Variants in CRTC1 observed in about 807,000 individuals in gnomAD.
The protein encoded by CRTC1 is CREB-regulated transcription coactivator 1.
A neutral mutation model predicts 66.1 loss-of-function variants in CRTC1; 18 were observed. The observed-to-expected ratio is 0.27, with a 90% CI of 0.19 to 0.40. CRTC1 has a LOEUF of 0.40. Among genes scored for constraint, CRTC1 ranks in the 10% least tolerant of loss-of-function variants. The probability of loss-of-function intolerance (pLI) is 1.00; values close to 1 mark genes in which losing one functional copy is unlikely to be tolerated. For missense variants in CRTC1, 669 were observed against 887.9 expected (o/e 0.75, Z 3.13); for synonymous variants, 416 against 398.8 (o/e 1.04, Z -0.51).
intron 1 of CRTC1, among the ~76,000 whole-genome samples, chr19:18,706,748 AT>A (rs2053276051): frequency 6.6e-6 from 1 of 152,132 alleles, no homozygotes; most frequent in Non-Finnish European, 1.5e-5. Flanking sequence ...TTCCCTAATG[AT>A]TAGTGCTGTT....
At chr19:18,728,131 A>G (rs2053802050) in intron 1 of CRTC1, among the ~76,000 whole-genome samples, 1 of 152,176 alleles carries the variant, frequency 6.6e-6, no homozygotes, top group Admixed American at 6.5e-5. Flanking sequence ...GACTGATATC[A>G]TGCCCAAGAG....
At chr19:18,733,465 C>T (rs1381765996) in intron 1 of CRTC1, among the ~76,000 whole-genome samples, 1 of 152,186 alleles carries the variant, frequency 6.6e-6, no homozygotes, top group Non-Finnish European at 1.5e-5. Context: ...AAAGGCATTC[C>T]GAGGCAGGCC....
intron 11 of CRTC1, among the ~76,000 whole-genome samples, chr19:18,772,480 G>T (rs527988023): frequency 6.6e-6 from 1 of 152,100 alleles, no homozygotes; most frequent in Non-Finnish European, 1.5e-5. Context: ...TGCTGTGCCC[G>T]GGGCCCTGAA....
intron 5 of CRTC1, among the ~76,000 whole-genome samples, chr19:18,750,863 C>G (rs1365932237): frequency 6.6e-6 from 1 of 152,178 alleles, no homozygotes; most frequent in Non-Finnish European, 1.5e-5. Context: ...AGCACAGTGC[C>G]TGGGGCTTCC....
In CRTC1 at chr19:18,771,397, C is replaced by A; in HGVS notation, c.1321-45C>A. 6.5e-7 allele frequency: 1 copy of A among 1,534,758 alleles called. No individual in the cohort carries two copies. Among genetic ancestry groups the A allele is most frequent in the South Asian group, 1.2e-5 (1 of 83,806 alleles). ...CGGGAAGCAGGGACTGGAGCCCGGG[C>A]TTGGGCAGCTGGGCTGCGGCGTGCT... On this transcript the variant is annotated intron_variant, in intron 10 of 13. Coordinates refer to ENST00000321949, the MANE Select transcript of CRTC1 (RefSeq NM_015321.3). The surrounding 1 kb of genome is among the most constrained non-coding windows in gnomAD (Gnocchi z 4.6).
chr19:18,756,392 A>AGTGCC (rs2054490255), intron 6 of CRTC1, among the ~76,000 whole-genome samples: 1 of 150,978 alleles, frequency 6.6e-6, no homozygotes, highest in South Asian at 2.1e-4. Flanking sequence ...CGTGCCTGTA[A>AGTGCC]TCTCAACACT....
chr19:18,701,368 A>G (rs2053135423), intron 1 of CRTC1, among the ~76,000 whole-genome samples: 1 of 152,368 alleles, frequency 6.6e-6, no homozygotes. Context: ...GCATCCACGC[A>G]AAGTGTCTGG....
intron 1 of CRTC1, among the ~76,000 whole-genome samples, chr19:18,736,927 T>C (rs6510998): frequency 0.24 from 36,884 of 152,126 alleles, 4,937 homozygotes; most frequent in African/African-American, 0.36. Flanking sequence ...CAGGAAGGGC[T>C]GGCAGGTGGA....
At position 18,751,124 on chromosome 19, in the gene CRTC1, C is replaced by T. The variant is rs538085577; in HGVS notation, c.538+1249C>T. Reference sequence around the variant, plus strand: ...GCTGGGGTTGGCCTGGCTGCCTCCTCGCAGCCTGGCTTTCAACAAGGAAGG... The same window carrying T: ...GCTGGGGTTGGCCTGGCTGCCTCCTTGCAGCCTGGCTTTCAACAAGGAAGG... On this transcript the variant is annotated intron_variant, in intron 5 of 13. Transcript: ENST00000321949. Among the ~76,000 whole-genome samples the T allele has an allele frequency of 2.2e-3, 342 of 152,252 alleles. 1 individual carries two copies. Among genetic ancestry groups the T allele is most frequent in the Non-Finnish European group, 3.6e-3 (244 of 68,014 alleles).
At chr19:18,748,479 A>G (rs567649753) in intron 4 of CRTC1, among the ~76,000 whole-genome samples, 8 of 137,606 alleles carry the variant, frequency 5.8e-5, no homozygotes, top group African/African-American at 1.9e-4. Context: ...TCGGCCTCCC[A>G]AAGTGCTGGG....
chr19:18,744,664 G>A (rs2054191044), intron 2 of CRTC1, among the ~76,000 whole-genome samples: 1 of 152,160 alleles, frequency 6.6e-6, no homozygotes, highest in African/African-American at 2.4e-5. Context: ...GGAAGGAGAT[G>A]AATTGCCCCT....
intron 6 of CRTC1, among the ~76,000 whole-genome samples, chr19:18,755,882 A>G (rs543856669): frequency 5.3e-5 from 8 of 151,936 alleles, no homozygotes; most frequent in Non-Finnish European, 1.0e-4. Context: ...GATTACAGGC[A>G]TGAGCCACCT....
chr19:18,747,012 G>A lies in CRTC1; in HGVS notation c.382-41G>A, dbSNP rs1389052423. The A allele has an allele frequency of 5.0e-6, 8 of 1,591,346 alleles. No homozygotes were observed. The African/African-American group carries it at 5.4e-5, about 11-fold the overall frequency. On this transcript the variant is annotated intron_variant, in intron 3 of 13. Transcript: ENST00000321949. ...GGGCTGAGAGTGTGTTGTTGGAGGC[G>A]GGGTCTCAGCCAGTGGCACTGCCCC...
At chr19:18,755,909 T>A (rs926963722) in intron 6 of CRTC1, among the ~76,000 whole-genome samples, 1 of 152,110 alleles carries the variant, frequency 6.6e-6, no homozygotes, top group African/African-American at 2.4e-5. Context: ...GCCTATTTTT[T>A]AATTTTTGTT....
Position 18,768,759 on chromosome 19 carries a change from C to A in CRTC1, c.1286C>A (p.Pro429His). Reference sequence around the variant, plus strand: ...CTCCCCCAGTCCCCCCCAGAGAACCCTGGCCAGCCATCGATGGGGATCGAC... The same window carrying A: ...CTCCCCCAGTCCCCCCCAGAGAACCATGGCCAGCCATCGATGGGGATCGAC... ...SSLPQSPPEN[P>H]GQPSMGIDIA... The change falls in exon 10 of 14, where the codon CCT (proline) becomes CAT (histidine). Residue 429 changes from proline (P) to histidine (H), a missense_variant. Coordinates refer to ENST00000321949, the MANE Select transcript of CRTC1 (RefSeq NM_015321.3). The surrounding 1 kb of genome is among the most constrained non-coding windows in gnomAD (Gnocchi z 5.6). 6.2e-7 allele frequency: 1 copy of A among 1,602,858 alleles called. No individual in the cohort carries two copies. The highest frequency in any genetic ancestry group is 2.3e-5 in the East Asian group (1 of 44,380).
chr19:18,686,491 A>G (rs2052686819), intron 1 of CRTC1, among the ~76,000 whole-genome samples: 1 of 152,176 alleles, frequency 6.6e-6, no homozygotes. Flanking sequence ...CACTAAAAAT[A>G]CAAAAATTAG....
At position 18,769,679 on chromosome 19, in the gene CRTC1, C is replaced by A. The variant is rs575983023; in HGVS notation, c.1320+886C>A. ...CACAGCAGGTCCTGGGGGAGGCTCC[C>A]AAGGTGGGGCCTCGCCTTGGAGCTG... On this transcript the variant is annotated intron_variant, in intron 10 of 13. Transcript: ENST00000321949. Among the ~76,000 whole-genome samples the A allele has an allele frequency of 5.7e-4, 86 of 152,212 alleles. No homozygotes were observed. In the South Asian group the frequency reaches 6.6e-3, roughly 12 times the overall value.
intron 6 of CRTC1, among the ~76,000 whole-genome samples, chr19:18,758,380 GA>G (rs890669014): frequency 1.3e-5 from 2 of 149,612 alleles, no homozygotes; most frequent in Non-Finnish European, 3.0e-5. Context: ...AAAAAAGAAA[GA>G]AAAAAAAGGC....
At position 18,777,989 on chromosome 19, in the gene CRTC1, C is replaced by CCTGT. The variant is rs2145879525; in HGVS notation, c.*607_*608insCTGT. 1 of 238,588 alleles carries CCTGT rather than the reference C, an allele frequency of 4.2e-6. No individual in the cohort carries two copies. The highest frequency in any genetic ancestry group is 6.0e-5 in the East Asian group (1 of 16,550). The allele number at this position is 238,588 out of a possible 1,614,324, so 14.8% of individuals were successfully genotyped here. On this transcript the variant is annotated 3_prime_UTR_variant, in exon 14 of 14. Transcript: ENST00000321949. This position sits in a 1 kb window ranked among gnomAD's most constrained non-coding sequence, Gnocchi z 5.5. ...TTTCTGAGCACACACAGAGCCCTGG[C>CCTGT]GTCCACCGGGGCAGGCGCAAAGTGG...
Sources: allele counts gnomAD v4.1 joint callset (sites outside exome capture counted in the v4.1 genomes callset), GRCh38; gene constraint gnomAD v4.1.1; non-coding constraint Gnocchi (gnomAD v3.1); transcripts MANE v1.5; gene names NCBI Gene and HGNC (gene_info 2026-07-23, HGNC 2026-07-21).